ARHGEF10: variants seen among roughly 807,000 people sequenced by gnomAD.
ARHGEF10 encodes Rho guanine nucleotide exchange factor 10.
A neutral mutation model predicts 147.4 loss-of-function variants in ARHGEF10; 140 were observed. The observed-to-expected ratio is 0.95, with a 90% CI of 0.83 to 1.09. The LOEUF is 1.09. Among genes scored for constraint, ARHGEF10 ranks in the 50% least tolerant of loss-of-function variants. The pLI, the probability that ARHGEF10 is intolerant of heterozygous loss-of-function variation, is 0.00. For synonymous variants in ARHGEF10, 902 were observed against 695.8 expected (o/e 1.30, Z -4.67); for missense variants, 2,222 against 1,752.7 (o/e 1.27, Z -4.78).
intron 13 of ARHGEF10, among the ~76,000 whole-genome samples, 163 bp downstream of exon 13, chr8:1,894,735 C>T (rs531805944): frequency 1.3e-5 from 2 of 152,144 alleles, no homozygotes; most frequent in Non-Finnish European, 2.9e-5. Context: ...CAAGCGTGTG[C>T]GCTAGGGAAA....
At chr8:1,850,604 A>C (rs1000725802) in intron 2 of ARHGEF10, among the ~76,000 whole-genome samples, 3 of 152,080 alleles carry the variant, frequency 2.0e-5, no homozygotes, top group Non-Finnish European at 4.4e-5. Flanking sequence ...GGGTGGCTAG[A>C]GGGCGTGGGG....
At chr8:1,866,703 A>T (rs1030242813) in intron 6 of ARHGEF10, 101 bp downstream of exon 6, 11 of 1,095,740 alleles carry the variant, frequency 1.0e-5, no homozygotes. Context: ...TCAGATCTAA[A>T]ACTCTAAAAA....
At chr8:1,896,484 C>G (rs776940451) in intron 14 of ARHGEF10, 35 bp downstream of exon 14, 1 of 1,403,662 alleles carries the variant, frequency 7.1e-7, no homozygotes, top group Admixed American at 1.7e-5. Flanking sequence ...GGTTTTAACA[C>G]CATCTGATAA....
At chr8:1,953,200 T>C (rs539696885) in intron 28 of ARHGEF10, among the ~76,000 whole-genome samples, 1 of 144,540 alleles carries the variant, frequency 6.9e-6, no homozygotes, top group South Asian at 2.2e-4. Flanking sequence ...CTGTATTTTA[T>C]GTTGTGAAGA....
chr8:1,906,087 A>G (rs1019625412), intron 17 of ARHGEF10, among the ~76,000 whole-genome samples: 1 of 152,228 alleles, frequency 6.6e-6, no homozygotes, highest in African/African-American at 2.4e-5. Context: ...ATGTTTAAAT[A>G]TAATAAAGTT....
Position 1,890,805 on chromosome 8 carries a change from C to G in ARHGEF10, c.1183-2764C>G, listed in dbSNP as rs529946017. Among the ~76,000 whole-genome samples the G allele has an allele frequency of 9.2e-5, 14 of 151,982 alleles. No individual in the cohort carries two copies. In the East Asian group the frequency reaches 1.5e-3, roughly 17 times the overall value. On this transcript the variant is annotated intron_variant, in intron 11 of 28. Transcript: ENST00000349830. ...ACATATCAGAGGAAAGAGGTTTGAC[C>G]TTTTTGTTGTATGGCACTTTTCCAA...
At position 1,952,736 on chromosome 8, in the gene ARHGEF10, C is replaced by G. The variant is rs546515758; in HGVS notation, c.3429C>G (p.Leu1143=). The G allele has an allele frequency of 6.2e-7, 1 of 1,613,320 alleles. No individual in the cohort carries two copies. The highest frequency in any genetic ancestry group is 8.5e-7 in the Non-Finnish European group (1 of 1,180,012). Residue 1143 remains leucine, a synonymous_variant, in exon 28 of 29, where the codon CTC becomes CTG. Coordinates refer to ENST00000349830, the MANE Select transcript of ARHGEF10 (RefSeq NM_014629.4). The stretch of plus-strand genomic sequence containing the variant: ...AGCGGCTGTCGGTGACGAGCCTGCT[C>G]GTCTGCCACGGATTGCTGATGGTCG... The part of the protein sequence containing the change: ...GHQRLSVTSL[L]VCHGLLMVGT...
Position 1,882,656 on chromosome 8 carries a change from G to A in ARHGEF10, c.982G>A (p.Ala328Thr), listed in dbSNP as rs977083004. The A allele has an allele frequency of 1.6e-5, 25 of 1,554,498 alleles. No homozygotes were observed. The highest frequency in any genetic ancestry group is 4.1e-5 in the African/African-American group (3 of 73,382). ...GCAGATGCAGAAGCTCGTGAAGGCCGCGAAGGACGGCACCAAGGACGGGCT... is the reference window on the plus strand; with the variant it reads ...GCAGATGCAGAAGCTCGTGAAGGCCACGAAGGACGGCACCAAGGACGGGCT... ...ELKMQKLVKAAKDGTKDGLER... is the reference protein window; with the variant it reads ...ELKMQKLVKATKDGTKDGLER... The change falls in exon 10 of 29, where the codon GCG (alanine) becomes ACG (threonine). Residue 328 changes from alanine (A) to threonine (T), a missense_variant. Coordinates refer to ENST00000349830, the MANE Select transcript of ARHGEF10 (RefSeq NM_014629.4).
chr8:1,914,705 T>G (rs567914101), intron 18 of ARHGEF10, among the ~76,000 whole-genome samples: 2 of 152,344 alleles, frequency 1.3e-5, no homozygotes, highest in East Asian at 3.9e-4. Flanking sequence ...CTGCGTCATC[T>G]GAACGTTGTA....
intron 18 of ARHGEF10, among the ~76,000 whole-genome samples, chr8:1,922,283 A>C (rs988907210): frequency 2.6e-5 from 4 of 151,730 alleles, no homozygotes; most frequent in Admixed American, 2.6e-4. Context: ...AAAAAAAAAA[A>C]CTTTAGGAAA....
chr8:1,826,510 T>G (rs1802783094), intron 1 of ARHGEF10, among the ~76,000 whole-genome samples: 2 of 151,998 alleles, frequency 1.3e-5, no homozygotes, highest in Admixed American at 1.3e-4. Flanking sequence ...AGACCTGGGT[T>G]GAGGTGGGGA....
chr8:1,872,895 T>C (rs1807248561), intron 7 of ARHGEF10, among the ~76,000 whole-genome samples: 1 of 152,198 alleles, frequency 6.6e-6, no homozygotes, highest in African/African-American at 2.4e-5. Flanking sequence ...AACTCCTAGG[T>C]GCTTGCAGGT....
At chr8:1,876,415 C>G (rs547388095) in intron 7 of ARHGEF10, 156 bp from the exon 8 acceptor site, 54 of 781,696 alleles carry the variant, frequency 6.9e-5, no homozygotes, top group Non-Finnish European at 1.1e-4. Context: ...ACGGTGCCTT[C>G]CATGGAGCAA....
In ARHGEF10 at chr8:1,957,933, A is replaced by C. The variant is rs1815706025; in HGVS notation, c.*670A>C. On this transcript the variant is annotated 3_prime_UTR_variant, in exon 29 of 29. Transcript: ENST00000349830. Reference sequence around the variant, plus strand: ...TAACAGTTAATGTTTCAGTCAATGTATTATCTGTAGCATTTCACAAATAAT... The same window carrying C: ...TAACAGTTAATGTTTCAGTCAATGTCTTATCTGTAGCATTTCACAAATAAT... The C allele has an allele frequency of 6.6e-6, 1 of 152,324 alleles. No homozygotes were observed. Among genetic ancestry groups the C allele is most frequent in the Non-Finnish European group, 1.5e-5 (1 of 68,118 alleles). The allele number at this position is 152,324 out of a possible 1,614,324, so 9.4% of individuals were successfully genotyped here. A position where few individuals can be genotyped will look rare whatever the true frequency, so the allele number is the denominator to read the frequency against.
At chr8:1,954,995 A>AT (rs145812374) in intron 28 of ARHGEF10, among the ~76,000 whole-genome samples, 1,965 of 125,312 alleles carry the variant, frequency 0.016, 15 homozygotes, top group African/African-American at 0.022. Context: ...GTTCCTCTGG[A>AT]GGATAGCCAG....
intron 13 of ARHGEF10, among the ~76,000 whole-genome samples, chr8:1,895,255 A>G (rs1809880376): frequency 1.3e-5 from 2 of 152,324 alleles, no homozygotes; most frequent in African/African-American, 2.4e-5. Context: ...TACTTATTGT[A>G]TATTGGTTGG....
In ARHGEF10 at chr8:1,880,102, T is replaced by G. The variant is rs754510892; in HGVS notation, c.898T>G (p.Leu300Val). ...GCACTATGAGAAAAAGATGAGAGATTTGATGGCAAGCACGGTGGGCGTGGT... is the reference window on the plus strand; with the variant it reads ...GCACTATGAGAAAAAGATGAGAGATGTGATGGCAAGCACGGTGGGCGTGGT... ...KEHYEKKMRD[L>V]MASTVGVVEI... The change falls in exon 9 of 29, where the codon TTG (leucine) becomes GTG (valine). Residue 300 changes from leucine to valine, a missense_variant. Transcript: ENST00000349830. 3 of 1,614,166 alleles carry G rather than the reference T, an allele frequency of 1.9e-6. No individual in the cohort carries two copies. The highest frequency in any genetic ancestry group is 1.7e-6 in the Non-Finnish European group (2 of 1,180,016).
At chr8:1,875,158 GAC>G (rs1807576042) in intron 7 of ARHGEF10, among the ~76,000 whole-genome samples, 1 of 69,576 alleles carries the variant, frequency 1.4e-5, no homozygotes, top group Admixed American at 1.4e-4. Flanking sequence ...CAGGTTCTAA[GAC>G]AGTCTGGTGG....
intron 6 of ARHGEF10, among the ~76,000 whole-genome samples, chr8:1,867,629 C>G (rs937163487): frequency 6.6e-6 from 1 of 152,218 alleles, no homozygotes; most frequent in Admixed American, 6.5e-5. Flanking sequence ...AGCCAGCCCC[C>G]CTCCAGGTGG....
Sources: gnomAD v4.1 joint callset for allele counts (sites outside exome capture counted in the v4.1 genomes callset) on GRCh38, gnomAD v4.1.1 for gene constraint, MANE v1.5 for transcripts, NCBI Gene and HGNC (gene_info 2026-07-23, HGNC 2026-07-21) for gene names.